CWC22: variants seen among roughly 807,000 people sequenced by gnomAD.
CWC22 encodes the protein pre-mRNA-splicing factor CWC22 homolog.
CWC22 carries 53 observed loss-of-function variants against 117.2 expected under a neutral mutation model. That is an observed-to-expected ratio of 0.45 (90% CI 0.36 to 0.57). The LOEUF (loss-of-function observed/expected upper bound fraction) is 0.57. CWC22 is among the 20% of genes least tolerant of loss of function. The probability of loss-of-function intolerance (pLI) is 0.00; values close to 1 mark genes in which losing one functional copy is unlikely to be tolerated. For synonymous variants in CWC22, 360 were observed against 355.6 expected, an observed-to-expected ratio of 1.01 and a Z score of -0.14; for missense variants, 980 against 1,068.8, an observed-to-expected ratio of 0.92 and a Z score of 1.16.
intron 6 of CWC22, 133 bp from the exon 7 acceptor site, chr2:179,973,935 G>A (rs116449945): frequency 8.8e-4 from 401 of 457,776 alleles, no homozygotes; most frequent in African/African-American, 7.5e-3. Flanking sequence ...ACTGGAAAGA[G>A]TTTGTCTTAC....
chr2:179,990,950 C>A (rs897263782), intron 2 of CWC22, among the ~76,000 whole-genome samples: 1 of 152,098 alleles, frequency 6.6e-6, no homozygotes, highest in Non-Finnish European at 1.5e-5. Flanking sequence ...AGGATTTCAC[C>A]AAGTTAAGAA....
At chr2:179,988,991 T>C (rs1005080110) in intron 2 of CWC22, among the ~76,000 whole-genome samples, 1 of 151,832 alleles carries the variant, frequency 6.6e-6, no homozygotes, top group Non-Finnish European at 1.5e-5. Flanking sequence ...TCTTTAGTGG[T>C]GATTTCTGAG....
intron 5 of CWC22, among the ~76,000 whole-genome samples, chr2:179,979,985 G>A (rs1687247489): frequency 1.3e-5 from 2 of 152,130 alleles, no homozygotes; most frequent in African/African-American, 2.4e-5. Flanking sequence ...TACAGCCTAC[G>A]AACAGACTTC....
chr2:179,969,144 T>C (rs1056828675), intron 11 of CWC22, among the ~76,000 whole-genome samples: 1 of 152,064 alleles, frequency 6.6e-6, no homozygotes, highest in African/African-American at 2.4e-5. Context: ...GCTAAAGAAA[T>C]GGATAGAGAA....
intron 1 of CWC22, among the ~76,000 whole-genome samples, chr2:179,999,150 G>GT (rs1687783803): frequency 6.6e-6 from 1 of 152,094 alleles, no homozygotes; most frequent in Admixed American, 6.5e-5. Flanking sequence ...AATGAATAAA[G>GT]TATTGTCATT....
chr2:179,993,392 A>G lies in CWC22; in HGVS notation c.-51T>C, dbSNP rs1230258692. On this transcript the variant is annotated 5_prime_UTR_variant, in exon 2 of 20. Coordinates refer to ENST00000410053, the MANE Select transcript of CWC22 (RefSeq NM_020943.3). ...ATCAAAGATGCTTCAAACTGGTCCA[A>G]ATAACAAGTACCCAATGCTCTGAAT... The G allele has an allele frequency of 1.5e-6, 2 of 1,331,776 alleles. No homozygotes were observed. Among genetic ancestry groups the G allele is most frequent in the Non-Finnish European group, 1.1e-6 (1 of 945,450 alleles). The allele number at this position is 1,331,776 out of a possible 1,614,324, so 82.5% of individuals were successfully genotyped here.
chr2:179,976,593 A>G (rs1687157243), intron 6 of CWC22, among the ~76,000 whole-genome samples: 1 of 140,904 alleles, frequency 7.1e-6, no homozygotes, highest in South Asian at 2.2e-4. Context: ...CTAAAAAATG[A>G]GCAAACAAGA....
chr2:179,978,067 A>G (rs1472947334), intron 6 of CWC22, 123 bp downstream of exon 6: 4 of 1,140,426 alleles, frequency 3.5e-6, no homozygotes, highest in Non-Finnish European at 4.5e-6. Flanking sequence ...CATTTTAAAT[A>G]AATATTCTCA....
In CWC22 at chr2:179,945,471, A is replaced by T. The variant is rs1191391692; in HGVS notation, c.2385T>A (p.Asn795Lys). The change falls in exon 20 of 20, where the codon AAT (asparagine) becomes AAA (lysine). Residue 795 changes from asparagine to lysine, a missense_variant. Around this residue, in one of 3 missense-constraint regions of CWC22, gnomAD observed 306 missense variants for 296.8 expected, o/e 1.03. Coordinates refer to ENST00000410053, the MANE Select transcript of CWC22 (RefSeq NM_020943.3). ...TSDKDVPSER[N>K]NYSRVANDRD... ...TGTCATTCGCAACTCTACTGTAGTT[A>T]TTTCGTTCAGAAGGAACATCTTTGT... The T allele has an allele frequency of 6.2e-7, 1 of 1,612,812 alleles. No individual in the cohort carries two copies. The highest frequency in any genetic ancestry group is 1.3e-5 in the African/African-American group (1 of 74,882).
chr2:179,993,464 A>G lies in CWC22; in HGVS notation c.-113-10T>C. 1.5e-6 allele frequency: 1 copy of G among 673,122 alleles called. No homozygotes were observed. Among genetic ancestry groups the G allele is most frequent in the South Asian group, 1.8e-5 (1 of 56,686 alleles). The allele number at this position is 673,122 out of a possible 1,614,324, so 41.7% of individuals were successfully genotyped here. A position where few individuals can be genotyped will look rare whatever the true frequency, so the allele number is the denominator to read the frequency against. ...TGTCTGCAAACATCACCTATAAAAT[A>G]TACCAAAGAAAGCTTTATTAACACT... On this transcript the variant is annotated splice_polypyrimidine_tract_variant and intron_variant, in intron 1 of 19. Transcript: ENST00000410053.
rs765124725 is a variant in CWC22, at chr2:179,950,731, C to T, written c.1921G>A (p.Asp641Asn). 1 of 1,612,388 alleles carries T rather than the reference C, an allele frequency of 6.2e-7. No homozygotes were observed. The highest frequency in any genetic ancestry group is 1.7e-5 in the Admixed American group (1 of 59,958). The change falls in exon 19 of 20, where the codon GAT (aspartate) becomes AAT (asparagine). Residue 641 changes from aspartate (D) to asparagine (N), a missense_variant and splice_region_variant. Coordinates refer to ENST00000410053, the MANE Select transcript of CWC22 (RefSeq NM_020943.3). ...TTTTTGAGATGCTCCCGCAGTTCAT[C>T]CCTAATTTAAAATATAATCTGTTAG... ...FTSIGLGGLT[D>N]ELREHLKNTP...
At chr2:179,975,066 T>A (rs12693216) in intron 6 of CWC22, among the ~76,000 whole-genome samples, 126,247 of 152,214 alleles carry the variant, frequency 0.83, 52,440 homozygotes, top group African/African-American at 0.85. Flanking sequence ...CATATTTTTT[T>A]AAAGATGAAT....
chr2:180,003,445 T>C (rs1687893326), intron 1 of CWC22, among the ~76,000 whole-genome samples: 1 of 152,192 alleles, frequency 6.6e-6, no homozygotes, highest in Non-Finnish European at 1.5e-5. Context: ...CCTAATTAAG[T>C]ATATGGGTGA....
intron 1 of CWC22, among the ~76,000 whole-genome samples, chr2:179,995,554 T>C (rs2105558247): frequency 6.6e-6 from 1 of 152,336 alleles, no homozygotes; most frequent in East Asian, 1.9e-4. Context: ...GTAGTTTATG[T>C]AGCACTTCTG....
chr2:179,975,198 T>C lies in CWC22; in HGVS notation c.582-1396A>G, dbSNP rs75019603. 2.2e-4 allele frequency among the ~76,000 whole-genome samples: 33 copies of C among 152,322 alleles called. 1 individual carries two copies. The East Asian group carries it at 6.2e-3, about 29-fold the overall frequency. On this transcript the variant is annotated intron_variant, in intron 6 of 19. Coordinates refer to ENST00000410053, the MANE Select transcript of CWC22 (RefSeq NM_020943.3). ...ACCAATTGCTTAAAGCCACATATTC[T>C]TATAGAATACGGTGATTCCCTTCTG... is the stretch of plus-strand genomic sequence containing the variant.
At chr2:179,995,531 C>T (rs901768837) in intron 1 of CWC22, among the ~76,000 whole-genome samples, 5 of 152,120 alleles carry the variant, frequency 3.3e-5, no homozygotes, top group Admixed American at 3.3e-4. Flanking sequence ...GTTTTGATTC[C>T]CAGGGCCACT....
rs750127606 is a variant in CWC22, at chr2:179,950,631, G to A, written c.2021C>T (p.Ala674Val). 3.1e-6 allele frequency: 5 copies of A among 1,613,364 alleles called. No individual in the cohort carries two copies. The African/African-American group carries it at 6.7e-5, about 22-fold the overall frequency. ...NKSSPSSSSS[A>V]SSSSESDSSD... ...TGAGTCAGACTCTGAAGAGGAGGAC[G>A]CTGAAGAGGAAGAGGATGGGGAGGA... The change falls in exon 19 of 20, where the codon GCG (alanine) becomes GTG (valine). Residue 674 changes from alanine to valine, a missense_variant. Ala to Val is a moderately conservative substitution (Grantham distance 64, BLOSUM62 0). Coordinates refer to ENST00000410053, the MANE Select transcript of CWC22 (RefSeq NM_020943.3).
intron 13 of CWC22, among the ~76,000 whole-genome samples, 162 bp from the exon 14 acceptor site, chr2:179,959,244 A>G (rs913874547): frequency 2.6e-5 from 4 of 152,170 alleles, no homozygotes; most frequent in Non-Finnish European, 5.9e-5. Flanking sequence ...AACTCTAGAG[A>G]TAAGTGCCAA....
chr2:179,962,878 A>G lies in CWC22; in HGVS notation c.1397+1669T>C, dbSNP rs193156148. ...GGTAATTACCCTGATTTGATTATAC[A>G]ATGTATAATCACCCTTAGGGTATAA... On this transcript the variant is annotated intron_variant, in intron 13 of 19. Transcript: ENST00000410053. Among the ~76,000 whole-genome samples, 327 of 152,238 alleles carry G rather than the reference A, an allele frequency of 2.1e-3. 3 individuals are homozygous for G. Among genetic ancestry groups the G allele is most frequent in the Middle Eastern group, 6.8e-3 (2 of 294 alleles).
Sources: allele counts gnomAD v4.1 joint callset (sites outside exome capture counted in the v4.1 genomes callset), GRCh38; gene constraint gnomAD v4.1.1; regional missense constraint gnomAD v4.1.1; transcripts MANE v1.5; gene names NCBI Gene and HGNC (gene_info 2026-07-23, HGNC 2026-07-21).